Variants in NR3C1 observed in about 807,000 individuals in gnomAD.
NR3C1 encodes glucocorticoid receptor.
NR3C1 carries 14 observed loss-of-function variants against 74.0 expected under a neutral mutation model. The ratio of observed to expected loss-of-function variants is 0.19; its 90% confidence interval spans 0.12 to 0.30. The LOEUF is 0.30. Ranked by LOEUF, NR3C1 falls within the 10% of genes least tolerant of loss-of-function variation. The pLI is 1.00. For missense variants in NR3C1, 695 were observed against 909.8 expected (o/e 0.76, Z 3.04); for synonymous variants, 308 against 332.5 (o/e 0.93, Z 0.80).
At chr5:143,303,991 A>G (rs1298788165) in intron 4 of NR3C1, among the ~76,000 whole-genome samples, 1 of 152,170 alleles carries the variant, frequency 6.6e-6, no homozygotes, top group East Asian at 1.9e-4. Flanking sequence ...AGCTGGAAGC[A>G]TTCCCCTTAA....
rs1840768242 is a variant in NR3C1, at chr5:143,403,566, C to T, written c.-369G>A. The T allele has an allele frequency of 1.0e-6, 1 of 986,196 alleles. No homozygotes were observed. The allele number at this position is 986,196 out of a possible 1,614,324, so 61.1% of individuals were successfully genotyped here. On this transcript the variant is annotated 5_prime_UTR_variant, in exon 1 of 9. Transcript: ENST00000394464. ...GGCAGGCGGTGACTCGGGCTCCCGT[C>T]ACAGACACGAGCTCGCAAAATGGAG...
chr5:143,287,339 A>G (rs932291166), intron 7 of NR3C1, among the ~76,000 whole-genome samples: 2 of 152,204 alleles, frequency 1.3e-5, no homozygotes, highest in African/African-American at 2.4e-5. Flanking sequence ...ATGAAAATCT[A>G]TAATGGAGGG....
chr5:143,314,235 G>T, intron 2 of NR3C1, 67 bp from the exon 3 acceptor site: 1 of 1,528,564 alleles, frequency 6.5e-7, no homozygotes, highest in Non-Finnish European at 9.0e-7. Flanking sequence ...AGTTCTCTTA[G>T]CTTCTCACTT....
chr5:143,362,982 A>G (rs1832560271), intron 2 of NR3C1, among the ~76,000 whole-genome samples: 1 of 152,190 alleles, frequency 6.6e-6, no homozygotes, highest in Admixed American at 6.5e-5. Context: ...TGCTCAGGAA[A>G]GATGGAGTAG....
chr5:143,396,296 C>G (rs1839170661), intron 2 of NR3C1, among the ~76,000 whole-genome samples: 1 of 151,576 alleles, frequency 6.6e-6, no homozygotes, highest in Non-Finnish European at 1.5e-5. Flanking sequence ...CATCATAAAG[C>G]TAAAAATAAG....
chr5:143,301,124 A>G (rs1485508971), intron 4 of NR3C1, among the ~76,000 whole-genome samples: 1 of 152,142 alleles, frequency 6.6e-6, no homozygotes, highest in East Asian at 1.9e-4. Flanking sequence ...CAACAATTTC[A>G]TTGGTTATAT....
At chr5:143,359,103 T>C (rs1210877065) in intron 2 of NR3C1, among the ~76,000 whole-genome samples, 1 of 152,102 alleles carries the variant, frequency 6.6e-6, no homozygotes, top group East Asian at 1.9e-4. Context: ...TATGTCAGGG[T>C]TATCATCAAA....
intron 2 of NR3C1, among the ~76,000 whole-genome samples, chr5:143,374,078 G>A (rs1417921264): frequency 6.6e-6 from 1 of 152,060 alleles, no homozygotes; most frequent in Non-Finnish European, 1.5e-5. Flanking sequence ...GTTTTTTCAG[G>A]ATGATCATTA....
At chr5:143,333,359 G>GA in intron 2 of NR3C1, 5 of 644,538 alleles carry the variant, frequency 7.8e-6, no homozygotes, top group Non-Finnish European at 1.4e-5. Flanking sequence ...AGATTGGGAG[G>GA]AAAGAGGAGG....
At chr5:143,402,765 G>C (rs1224097588) in intron 1 of NR3C1, 1 of 985,258 alleles carries the variant, frequency 1.0e-6, no homozygotes, top group Non-Finnish European at 1.2e-6. Flanking sequence ...GCCCGGGCTC[G>C]CGCTCGGGCG....
upstream of NR3C1, among the ~76,000 whole-genome samples, chr5:143,407,717 A>G (rs1467646776): frequency 6.6e-6 from 1 of 152,220 alleles, no homozygotes; most frequent in East Asian, 1.9e-4. Context: ...TCAGAAACTG[A>G]TATATTACCC....
At chr5:143,318,592 A>T (rs940904520) in intron 2 of NR3C1, among the ~76,000 whole-genome samples, 1 of 152,144 alleles carries the variant, frequency 6.6e-6, no homozygotes, top group Non-Finnish European at 1.5e-5. Flanking sequence ...CTTGAAACCT[A>T]TATTTTATCA....
chr5:143,433,184 A>C (rs1325035254), intron 1 of NR3C1, among the ~76,000 whole-genome samples: 2 of 152,010 alleles, frequency 1.3e-5, no homozygotes, highest in African/African-American at 4.8e-5. Context: ...CAACTGACTC[A>C]TGAAGTTAAC....
intron 2 of NR3C1, among the ~76,000 whole-genome samples, chr5:143,354,597 C>T (rs976374323): frequency 3.3e-5 from 5 of 152,036 alleles, no homozygotes; most frequent in African/African-American, 9.7e-5. Context: ...CAATTAAGTA[C>T]GGTGCCTTAT....
intron 2 of NR3C1, among the ~76,000 whole-genome samples, chr5:143,374,130 T>TGC (rs1435711711): frequency 2.6e-5 from 4 of 152,306 alleles, no homozygotes; most frequent in African/African-American, 9.6e-5. Context: ...GTTAAAAATT[T>TGC]GCCTCAGCTC....
At chr5:143,294,337 A>T in intron 7 of NR3C1, 1 of 917,570 alleles carries the variant, frequency 1.1e-6, no homozygotes, top group Non-Finnish European at 1.3e-6. Context: ...ATAAACATTG[A>T]TATGTAATTT....
At chr5:143,359,800 C>A (rs973438524) in intron 2 of NR3C1, among the ~76,000 whole-genome samples, 1 of 152,064 alleles carries the variant, frequency 6.6e-6, no homozygotes, top group Non-Finnish European at 1.5e-5. Context: ...CACCTGTAAT[C>A]CCAGCTACTC....
chr5:143,314,921 G>A (rs1276514062), intron 2 of NR3C1, among the ~76,000 whole-genome samples: 1 of 152,156 alleles, frequency 6.6e-6, no homozygotes, highest in East Asian at 1.9e-4. Context: ...TCCACTCTAT[G>A]ACTGTTTGGC....
At chr5:143,345,315 T>A (rs1829073436) in intron 2 of NR3C1, among the ~76,000 whole-genome samples, 1 of 152,174 alleles carries the variant, frequency 6.6e-6, no homozygotes, top group Non-Finnish European at 1.5e-5. Context: ...GTTCAAGCAA[T>A]TCTCCTGCCT....
Sources: allele counts gnomAD v4.1 joint callset (sites outside exome capture counted in the v4.1 genomes callset), GRCh38; gene constraint gnomAD v4.1.1; transcripts MANE v1.5; gene names NCBI Gene and HGNC (gene_info 2026-07-23, HGNC 2026-07-21).